Variants in NUP160 observed in about 807,000 individuals in gnomAD.
NUP160 encodes nuclear pore complex protein Nup160.
NUP160 carries 94 observed loss-of-function variants against 196.9 expected under a neutral mutation model. The ratio of observed to expected loss-of-function variants is 0.48; its 90% CI spans 0.40 to 0.57. The LOEUF is 0.57. NUP160 is among the 20% of genes least tolerant of loss of function. NUP160 has a pLI of 0.00. For missense variants in NUP160, 1,638 were observed against 1,748.3 expected, an observed-to-expected ratio of 0.94 and a Z score of 1.13; for synonymous variants, 605 against 619.7, an observed-to-expected ratio of 0.98 and a Z score of 0.35.
intron 21 of NUP160, 192 bp downstream of exon 21, chr11:47,804,357 T>C (rs906009551): frequency 1.9e-5 from 10 of 518,006 alleles, no homozygotes; most frequent in African/African-American, 1.8e-4. Context: ...TTTAGCTTCG[T>C]AGATCAGACA....
At chr11:47,789,944 CT>C (rs34563280) in intron 29 of NUP160, among the ~76,000 whole-genome samples, 42,706 of 129,912 alleles carry the variant, frequency 0.33, 6,474 homozygotes, top group South Asian at 0.48. Context: ...ATATACTGTA[CT>C]TTTTTTTTTT....
Position 47,814,449 on chromosome 11 carries a change from G to A in NUP160, c.1686+1030C>T, listed in dbSNP as rs200294389. On this transcript the variant is annotated intron_variant, in intron 13 of 35. Coordinates refer to ENST00000378460, the Ensembl canonical transcript of NUP160. ...CCCAGCTACTCTGGAGGATAGGCAG[G>A]AGAATCGCTTGAACTCAGTAGGCGG... 5.3e-5 allele frequency among the ~76,000 whole-genome samples: 8 copies of A among 151,776 alleles called. No individual in the cohort carries two copies. The East Asian group carries it at 1.6e-3, about 30-fold the overall frequency.
In NUP160 at chr11:47,792,924, A is replaced by G. The variant is rs754914696; in HGVS notation, c.3312T>C (p.Tyr1104=). 30 of 1,613,670 alleles carry G rather than the reference A, an allele frequency of 1.9e-5. 1 individual carries two copies. In the South Asian group the frequency reaches 3.2e-4, roughly 17 times the overall value. Reference sequence around the variant, plus strand: ...GAACTTCTCTGCCAAGCCGCATTCCATACTCAAACATCACTGTGCCAGCTA... The same window carrying G: ...GAACTTCTCTGCCAAGCCGCATTCCGTACTCAAACATCACTGTGCCAGCTA... The change falls in exon 28 of 36, where the codon TAT becomes TAC. Residue 1104 remains tyrosine (Y), a synonymous_variant. Coordinates refer to ENST00000378460, the Ensembl canonical transcript of NUP160.
chr11:47,834,704 G>A (rs1452262931), intron 7 of NUP160, among the ~76,000 whole-genome samples: 2 of 152,200 alleles, frequency 1.3e-5, no homozygotes, highest in African/African-American at 4.8e-5. Context: ...GCACAGGAGT[G>A]AGAACACTAG....
At chr11:47,847,669 G>A (rs1444152068) in intron 2 of NUP160, among the ~76,000 whole-genome samples, 179 bp downstream of exon 2, 1 of 146,420 alleles carries the variant, frequency 6.8e-6, no homozygotes, top group Non-Finnish European at 1.5e-5. Context: ...AGGGGGAGAG[G>A]TATCTCTTCT....
At chr11:47,827,888 T>C (rs1852003227) in intron 7 of NUP160, among the ~76,000 whole-genome samples, 1 of 152,202 alleles carries the variant, frequency 6.6e-6, no homozygotes, top group Non-Finnish European at 1.5e-5. Flanking sequence ...AACTTTTTTA[T>C]GAGACAGGGT....
At chr11:47,819,325 AAG>A in intron 10 of NUP160, 47 bp downstream of exon 10, 4 of 1,378,988 alleles carry the variant, frequency 2.9e-6, no homozygotes, top group Non-Finnish European at 3.1e-6. Flanking sequence ...AAAAAAAAAA[AAG>A]ATCAAAGTAA....
intron 34 of NUP160, among the ~76,000 whole-genome samples, chr11:47,781,979 A>G (rs559975579): frequency 6.6e-6 from 1 of 152,126 alleles, no homozygotes; most frequent in South Asian, 2.1e-4. Flanking sequence ...ACATAGCATG[A>G]TAATAAAAAG....
At chr11:47,818,123 T>C (rs1036219067) in exon 11 of NUP160, 1 of 1,602,516 alleles carries the variant, frequency 6.2e-7, no homozygotes, top group Non-Finnish European at 8.5e-7. Context: ...CAGATACATC[T>C]CCTATTAGAA....
chr11:47,847,950 T>A, exon 2 of NUP160: 1 of 1,613,908 alleles, frequency 6.2e-7, no homozygotes, highest in East Asian at 2.2e-5. Context: ...AGCCACGGCA[T>A]TTGCAGTCCC....
At position 47,835,669 on chromosome 11, in the gene NUP160, A is replaced by G. The variant is rs1305808749; in HGVS notation, c.1083T>C (p.His361=). 3.1e-6 allele frequency: 5 copies of G among 1,591,116 alleles called. No individual in the cohort carries two copies. In the African/African-American group the frequency reaches 5.4e-5, roughly 17 times the overall value. Residue 361 remains histidine, a synonymous_variant, in exon 7 of 36, where the codon CAT becomes CAC. Transcript: ENST00000378460. ...TTCATACCTGTCCTCGTTTTGGTGC[A>G]TGCATGTATATCCCCAGGTAGAGTC...
chr11:47,815,827 C>A lies in NUP160; in HGVS notation c.1515+119G>T, dbSNP rs1297448451. 28 of 972,344 alleles carry A rather than the reference C, an allele frequency of 2.9e-5. No individual in the cohort carries two copies. In the East Asian group the frequency reaches 6.9e-4, roughly 24 times the overall value. The allele number at this position is 972,344 out of a possible 1,614,324, so 60.2% of individuals were successfully genotyped here. On this transcript the variant is annotated intron_variant, in intron 12 of 35. Coordinates refer to ENST00000378460, the Ensembl canonical transcript of NUP160. ...TGATTCTCTAGTTAAAAGGTTTAAA[C>A]ATTTATATGTTCCAACAAACAAGGT... is the stretch of plus-strand genomic sequence containing the variant.
At chr11:47,783,447 G>A (rs988946202) in intron 33 of NUP160, among the ~76,000 whole-genome samples, 2 of 151,774 alleles carry the variant, frequency 1.3e-5, no homozygotes, top group Non-Finnish European at 2.9e-5. Flanking sequence ...CTGTTAAATA[G>A]CCTTCTTCCC....
chr11:47,784,227 T>C (rs188735694), intron 33 of NUP160, among the ~76,000 whole-genome samples: 2 of 152,332 alleles, frequency 1.3e-5, no homozygotes, highest in Admixed American at 1.3e-4. Context: ...TCTGATTCTG[T>C]AAGTCTAGGA....
intron 4 of NUP160, among the ~76,000 whole-genome samples, chr11:47,838,784 T>C (rs1225806074): frequency 6.6e-6 from 1 of 151,292 alleles, no homozygotes; most frequent in Non-Finnish European, 1.5e-5. Context: ...GGTGGGCAGA[T>C]CACAAGGTCA....
intron 2 of NUP160, among the ~76,000 whole-genome samples, chr11:47,841,873 G>A (rs1157328173): frequency 6.6e-6 from 1 of 151,962 alleles, no homozygotes; most frequent in Non-Finnish European, 1.5e-5. Flanking sequence ...TTTTTTAGTA[G>A]AGACGGGGTT....
chr11:47,846,170 A>T (rs1301867390), intron 2 of NUP160, among the ~76,000 whole-genome samples: 1 of 151,408 alleles, frequency 6.6e-6, no homozygotes, highest in African/African-American at 2.4e-5. Context: ...AAAGAAAAAA[A>T]AATTTTTTTT....
intron 2 of NUP160, among the ~76,000 whole-genome samples, chr11:47,841,988 C>T (rs1389494902): frequency 1.3e-5 from 2 of 152,102 alleles, no homozygotes; most frequent in South Asian, 2.1e-4. Flanking sequence ...TGAGCCACCA[C>T]ACCTGGCCCT....
chr11:47,797,847 T>C (rs139507898), exon 27 of NUP160: 2 of 1,612,520 alleles, frequency 1.2e-6, no homozygotes, highest in South Asian at 1.1e-5. Context: ...AGTCATAAGG[T>C]CCACAGCTCT....
Sources: allele counts gnomAD v4.1 joint callset (sites outside exome capture counted in the v4.1 genomes callset), GRCh38; gene constraint gnomAD v4.1.1; transcripts MANE v1.5; gene names NCBI Gene and HGNC (gene_info 2026-07-23, HGNC 2026-07-21).